The following KIAA1217 variants were observed in gnomAD, a reference collection of about 807,000 sequenced individuals.
KIAA1217 encodes sickle tail protein homolog.
Under a neutral mutation model 163.9 loss-of-function variants are expected in KIAA1217, and 88 were observed. The ratio of observed to expected loss-of-function variants is 0.54; its 90% CI spans 0.45 to 0.64. The LOEUF is 0.64. Among genes scored for constraint, KIAA1217 ranks in the 30% least tolerant of loss-of-function variants. The probability of loss-of-function intolerance (pLI) is 0.00; values close to 1 mark genes in which losing one functional copy is unlikely to be tolerated. For missense variants in KIAA1217, 2,372 were observed against 2,475.0 expected, an observed-to-expected ratio of 0.96 and a Z score of 0.88; for synonymous variants, 903 against 923.1, an observed-to-expected ratio of 0.98 and a Z score of 0.39.
chr10:23,975,475 G>C (rs1316998029), intron 1 of KIAA1217, among the ~76,000 whole-genome samples: 1 of 152,128 alleles, frequency 6.6e-6, no homozygotes, highest in African/African-American at 2.4e-5. Flanking sequence ...GAAAATAAAA[G>C]GTAAATAATG....
chr10:24,023,001 C>T (rs1847799971), intron 2 of KIAA1217, among the ~76,000 whole-genome samples: 1 of 151,404 alleles, frequency 6.6e-6, no homozygotes, highest in Non-Finnish European at 1.5e-5. Flanking sequence ...AAGGAATTCT[C>T]TTTATAGTCA....
chr10:23,852,092 G>A (rs1464534883), intron 1 of KIAA1217, among the ~76,000 whole-genome samples: 2 of 152,006 alleles, frequency 1.3e-5, no homozygotes, highest in Admixed American at 6.5e-5. Flanking sequence ...CCTTGCCCAC[G>A]CCTATGTCCT....
chr10:24,422,698 G>T (rs1319251535), intron 3 of KIAA1217, among the ~76,000 whole-genome samples: 1 of 152,106 alleles, frequency 6.6e-6, no homozygotes, highest in Non-Finnish European at 1.5e-5. Context: ...AATGCCTTGG[G>T]ATGCTCATTT....
intron 1 of KIAA1217, among the ~76,000 whole-genome samples, chr10:23,828,208 A>G (rs2131031856): frequency 6.6e-6 from 1 of 152,228 alleles, no homozygotes; most frequent in South Asian, 2.1e-4. Flanking sequence ...AAAACACAGA[A>G]GCCTTCTTGA....
intron 2 of KIAA1217, among the ~76,000 whole-genome samples, chr10:24,285,585 C>T (rs2078458873): frequency 6.6e-6 from 1 of 152,144 alleles, no homozygotes. Flanking sequence ...TATTTTTGTA[C>T]CAGCACCATG....
chr10:23,766,116 G>C (rs1219157161), intron 1 of KIAA1217, among the ~76,000 whole-genome samples: 1 of 152,166 alleles, frequency 6.6e-6, no homozygotes, highest in Non-Finnish European at 1.5e-5. Flanking sequence ...TCTTCTCTAG[G>C]AGGTTTGCCT....
intron 2 of KIAA1217, among the ~76,000 whole-genome samples, chr10:24,190,033 A>G (rs1273818843): frequency 6.6e-6 from 1 of 151,854 alleles, no homozygotes; most frequent in East Asian, 1.9e-4. Flanking sequence ...TTTAAAAAAA[A>G]AAAAAAAAAA....
chr10:24,055,139 C>T lies in KIAA1217; in HGVS notation c.-171+47765C>T, dbSNP rs1849801132. ...AAAAATTGCCAGGCATGGTGGCATG[C>T]ACCTGTACTTTCAGCTACTCGGGAA... is the stretch of plus-strand genomic sequence containing the variant. On this transcript the variant is annotated intron_variant, in intron 2 of 18. Coordinates refer to the KIAA1217 transcript ENST00000376462. 2.0e-5 allele frequency among the ~76,000 whole-genome samples: 3 copies of T among 152,066 alleles called. No homozygotes were observed. In the South Asian group the frequency reaches 6.2e-4, roughly 32 times the overall value.
chr10:23,738,161 T>A (rs1371297209), intron 1 of KIAA1217, among the ~76,000 whole-genome samples: 1 of 152,154 alleles, frequency 6.6e-6, no homozygotes, highest in Non-Finnish European at 1.5e-5. Flanking sequence ...TTTGGTTAAT[T>A]TTAGGACTTG....
intron 1 of KIAA1217, among the ~76,000 whole-genome samples, chr10:23,763,567 C>G (rs1412926142): frequency 6.6e-6 from 1 of 152,096 alleles, no homozygotes; most frequent in African/African-American, 2.4e-5. Flanking sequence ...TGAAACTGGT[C>G]CCCTTCCTTA....
At chr10:24,273,966 G>T (rs1448465277) in intron 2 of KIAA1217, among the ~76,000 whole-genome samples, 5 of 152,010 alleles carry the variant, frequency 3.3e-5, no homozygotes, top group Admixed American at 6.6e-5. Flanking sequence ...AATCAGAGCA[G>T]ATATTTGGTG....
chr10:24,125,324 G>A (rs1202767859), intron 2 of KIAA1217, among the ~76,000 whole-genome samples: 7 of 53,506 alleles, frequency 1.3e-4, no homozygotes, highest in Non-Finnish European at 2.5e-4. Flanking sequence ...CCTATGCTCT[G>A]TGTGTGTGTG....
At chr10:24,305,972 G>A (rs1263254547) in intron 2 of KIAA1217, among the ~76,000 whole-genome samples, 2 of 152,140 alleles carry the variant, frequency 1.3e-5, no homozygotes, top group Non-Finnish European at 2.9e-5. Flanking sequence ...ACCATGCTGG[G>A]ATTGAGTCTC....
rs557112475 is a variant in KIAA1217, at chr10:24,470,363, G to T, written c.847-2865G>T. ...AATGACCTTGGGACTGTTCCTTCTG[G>T]TCTAAAGCACTGAGCACCTGAGTCA... On this transcript the variant is annotated intron_variant, in intron 5 of 20. Transcript: ENST00000376454. Among the ~76,000 whole-genome samples the T allele has an allele frequency of 4.6e-5, 7 of 152,296 alleles. No homozygotes were observed. In the South Asian group the frequency reaches 1.2e-3, roughly 27 times the overall value.
rs139464939 is a variant in KIAA1217 at position 24,120,328 on chromosome 10, A to G, written c.-170-99298A>G. 2.2e-3 allele frequency among the ~76,000 whole-genome samples: 335 copies of G among 152,324 alleles called. 2 individuals are homozygous for G. Among genetic ancestry groups the G allele is most frequent in the African/African-American group, 7.5e-3 (313 of 41,570 alleles). On this transcript the variant is annotated intron_variant, in intron 2 of 18. Transcript: ENST00000376462. ...GACAATGGTATAATCTTGGATGGCC[A>G]TGAACCCACCCTTGGGAGACGGGGA...
intron 2 of KIAA1217, among the ~76,000 whole-genome samples, chr10:24,252,696 G>T (rs2074695895): frequency 6.6e-6 from 1 of 152,186 alleles, no homozygotes; most frequent in African/African-American, 2.4e-5. Context: ...ATTGAGTCTA[G>T]TTTGGACAGG....
intron 3 of KIAA1217, among the ~76,000 whole-genome samples, chr10:24,389,234 A>G (rs2054488028): frequency 6.6e-6 from 1 of 152,196 alleles, no homozygotes; most frequent in South Asian, 2.1e-4. Context: ...AAAAAGGATG[A>G]GTTCATGTCC....
intron 1 of KIAA1217, among the ~76,000 whole-genome samples, chr10:23,996,354 T>C (rs1423423003): frequency 6.6e-6 from 1 of 152,090 alleles, no homozygotes; most frequent in East Asian, 1.9e-4. Flanking sequence ...AACCGCAAAA[T>C]GGATTTATGA....
chr10:24,439,302 CTG>C (rs1387832297), intron 5 of KIAA1217, among the ~76,000 whole-genome samples: 14 of 152,138 alleles, frequency 9.2e-5, no homozygotes, highest in African/African-American at 3.4e-4. Flanking sequence ...TTGGAAGACA[CTG>C]TGCCATTTTT....
Sources: allele counts gnomAD v4.1 joint callset (sites outside exome capture counted in the v4.1 genomes callset), GRCh38; gene constraint gnomAD v4.1.1; transcripts MANE v1.5; gene names NCBI Gene and HGNC (gene_info 2026-07-23, HGNC 2026-07-21).